The following STXBP4 variants were observed in gnomAD, a reference collection of about 807,000 sequenced individuals.
STXBP4 encodes the protein syntaxin-binding protein 4.
STXBP4 carries 55 observed loss-of-function variants against 76.1 expected under a neutral mutation model. That is an observed-to-expected ratio of 0.72 (90% CI 0.58 to 0.91). STXBP4 has a LOEUF of 0.91. STXBP4 is among the 40% of genes least tolerant of loss of function. The pLI, the probability that STXBP4 is intolerant of heterozygous loss-of-function variation, is 0.00. For synonymous variants in STXBP4, 201 were observed against 220.2 expected (o/e 0.91, Z 0.77); for missense variants, 618 against 636.9 (o/e 0.97, Z 0.32).
intron 8 of STXBP4, chr17:55,030,967 A>T: frequency 2.2e-6 from 1 of 460,206 alleles, no homozygotes; most frequent in Admixed American, 3.4e-5. Flanking sequence ...AGTCTTGGGG[A>T]AAAAATGAGG....
At chr17:55,036,278 A>T (rs1259092497) in intron 10 of STXBP4, among the ~76,000 whole-genome samples, 1 of 151,946 alleles carries the variant, frequency 6.6e-6, no homozygotes, top group Non-Finnish European at 1.5e-5. Flanking sequence ...TTATCTTGGG[A>T]AGAATCAACG....
At chr17:55,038,947 A>T (rs2078649695) in intron 10 of STXBP4, among the ~76,000 whole-genome samples, 1 of 152,190 alleles carries the variant, frequency 6.6e-6, no homozygotes, top group African/African-American at 2.4e-5. Flanking sequence ...GTAATGTTTC[A>T]CTTATACAGG....
the STXBP4 span, among the ~76,000 whole-genome samples, chr17:55,185,281 C>CCTT: frequency 1.6e-4 from 14 of 85,316 alleles, no homozygotes; most frequent in African/African-American, 6.7e-4. Context: ...TTCTCCTTCT[C>CCTT]CTTCTCCTTC....
In STXBP4 at chr17:55,003,856, G is replaced by A. The variant is rs566520606; in HGVS notation, c.574+2973G>A. 5.3e-5 allele frequency among the ~76,000 whole-genome samples: 8 copies of A among 152,182 alleles called. No individual in the cohort carries two copies. The South Asian group carries it at 1.2e-3, about 24-fold the overall frequency. Reference sequence around the variant, plus strand: ...GTAAGTGAGCTAACAATATACTAAAGACATTTCTAAGGATAGCAATAAACA... The same window carrying A: ...GTAAGTGAGCTAACAATATACTAAAAACATTTCTAAGGATAGCAATAAACA... On this transcript the variant is annotated intron_variant, in intron 7 of 17. Transcript: ENST00000376352.
chr17:55,038,263 A>T (rs1282379760), intron 10 of STXBP4, among the ~76,000 whole-genome samples: 1 of 152,088 alleles, frequency 6.6e-6, no homozygotes. Context: ...ACATGGAATC[A>T]CCACTCAAAA....
At chr17:54,997,409 G>T (rs2077821037) in intron 4 of STXBP4, among the ~76,000 whole-genome samples, 1 of 151,564 alleles carries the variant, frequency 6.6e-6, no homozygotes, top group South Asian at 2.1e-4. Flanking sequence ...TACAAGATGG[G>T]CTAAATTGCC....
chr17:55,191,570 A>G, the STXBP4 span, among the ~76,000 whole-genome samples: 1 of 152,134 alleles, frequency 6.6e-6, no homozygotes, highest in African/African-American at 2.4e-5. Flanking sequence ...CTTCTGTTAT[A>G]GTTCATCTGT....
chr17:54,990,730 C>T, intron 3 of STXBP4, 95 bp from the exon 4 acceptor site: 6 of 1,437,884 alleles, frequency 4.2e-6, no homozygotes, highest in Non-Finnish European at 5.5e-6. Flanking sequence ...GGTTGCTGCT[C>T]TAGATCTCAG....
intron 16 of STXBP4, among the ~76,000 whole-genome samples, chr17:55,101,404 C>A (rs910231929): frequency 6.6e-6 from 1 of 152,140 alleles, no homozygotes; most frequent in Non-Finnish European, 1.5e-5. Context: ...AATTAAGACA[C>A]CAGCCTCCAG....
chr17:55,160,040 C>G lies in STXBP4; in HGVS notation c.*129C>G, dbSNP rs1253196682. The G allele has an allele frequency of 7.2e-6, 4 of 558,540 alleles. No individual in the cohort carries two copies. The highest frequency in any genetic ancestry group is 1.3e-5 in the Non-Finnish European group (4 of 316,994). The allele number at this position is 558,540 out of a possible 1,614,324, so 34.6% of individuals were successfully genotyped here. Reference sequence around the variant, plus strand: ...CTTGTTGAAGTGTGAAATGGAGACTCTGGACTTTGGGTATTTTTGTAAAAC... The same window carrying G: ...CTTGTTGAAGTGTGAAATGGAGACTGTGGACTTTGGGTATTTTTGTAAAAC... On this transcript the variant is annotated 3_prime_UTR_variant, in exon 18 of 18. Transcript: ENST00000376352.
At chr17:55,185,236 T>C in the STXBP4 span, among the ~76,000 whole-genome samples, 15 of 50,040 alleles carry the variant, frequency 3.0e-4, no homozygotes, top group African/African-American at 6.8e-4. Context: ...TTCTTCTTCT[T>C]CTTCTTCTTC....
At chr17:54,997,557 T>TATATATATTATATAATATAA (rs1160666535) in intron 4 of STXBP4, among the ~76,000 whole-genome samples, 1 of 145,984 alleles carries the variant, frequency 6.9e-6, no homozygotes, top group East Asian at 2.0e-4. Context: ...ATAATATAAA[T>TATATATATTATATAATATAA]ATATATATTA....
chr17:55,182,077 CT>C, the STXBP4 span, among the ~76,000 whole-genome samples: 6 of 152,134 alleles, frequency 3.9e-5, no homozygotes, highest in African/African-American at 1.4e-4. Context: ...CACAAATTAT[CT>C]TTTTCTTTTT....
intron 12 of STXBP4, among the ~76,000 whole-genome samples, chr17:55,056,662 G>A (rs928330808): frequency 6.6e-6 from 1 of 151,966 alleles, no homozygotes; most frequent in Non-Finnish European, 1.5e-5. Flanking sequence ...TGATCATGCC[G>A]CTGCACTCCA....
chr17:55,050,904 G>T (rs1482864950), intron 12 of STXBP4, among the ~76,000 whole-genome samples: 3 of 152,062 alleles, frequency 2.0e-5, no homozygotes, highest in African/African-American at 7.2e-5. Flanking sequence ...CTGACCTCAG[G>T]TGATCTGCCT....
At chr17:55,017,624 G>T (rs2078231633) in intron 8 of STXBP4, among the ~76,000 whole-genome samples, 1 of 152,198 alleles carries the variant, frequency 6.6e-6, no homozygotes, top group Non-Finnish European at 1.5e-5. Flanking sequence ...GAAAGGTAGG[G>T]GTGCACGCAT....
chr17:55,048,767 A>AAAAGCAACT (rs2078823179), intron 12 of STXBP4, among the ~76,000 whole-genome samples: 1 of 151,968 alleles, frequency 6.6e-6, no homozygotes, highest in Admixed American at 6.6e-5. Flanking sequence ...AGAAAACAAG[A>AAAAGCAACT]AAAGCAACTA....
rs917677820 is a variant in STXBP4 at position 54,973,544 on chromosome 17, G to C, written c.-157+4729G>C. 2.0e-5 allele frequency among the ~76,000 whole-genome samples: 3 copies of C among 152,130 alleles called. No homozygotes were observed. The South Asian group carries it at 6.2e-4, about 32-fold the overall frequency. ...ACAAGGAGTTCTTATGATGATGAAA[G>C]GTCTGTCAATATGCATAGATACAAT... On this transcript the variant is annotated intron_variant, in intron 1 of 17. Transcript: ENST00000376352.
At chr17:55,123,969 C>T (rs868640134) in intron 16 of STXBP4, among the ~76,000 whole-genome samples, 4 of 151,948 alleles carry the variant, frequency 2.6e-5, no homozygotes, top group Middle Eastern at 3.4e-3. Flanking sequence ...TCTAACTGTA[C>T]TTAACACCTC....
Sources: gnomAD v4.1 joint callset for allele counts (sites outside exome capture counted in the v4.1 genomes callset) on GRCh38, gnomAD v4.1.1 for gene constraint, MANE v1.5 for transcripts, NCBI Gene and HGNC (gene_info 2026-07-23, HGNC 2026-07-21) for gene names.